The following SKIDA1 variants were observed in gnomAD, a reference collection of about 807,000 sequenced individuals.
SKIDA1 encodes SKI/DACH domain containing 1.
In SKIDA1, 18 loss-of-function variants were observed where a neutral mutation model predicts 51.4. The observed-to-expected ratio is 0.35, with a 90% CI of 0.24 to 0.52. The LOEUF is 0.52. Among genes scored for constraint, SKIDA1 ranks in the 20% least tolerant of loss-of-function variants. The pLI, the probability that SKIDA1 is intolerant of heterozygous loss-of-function variation, is 0.95. For synonymous variants in SKIDA1, 579 were observed against 500.5 expected (o/e 1.16, Z -2.09); for missense variants, 1,104 against 1,180.6 (o/e 0.94, Z 0.95).
rs778205838 is a variant in SKIDA1 at position 21,516,872 on chromosome 10, GGCGGCCGCCGCCGCC to G, written c.936_950del (p.Ala314_Ala318del). 7.7e-7 allele frequency: 1 copy of G among 1,299,508 alleles called. No individual in the cohort carries two copies. The highest frequency in any genetic ancestry group is 2.9e-5 in the South Asian group (1 of 34,602). 80.5% of individuals were successfully genotyped at this position (1,299,508 alleles called of 1,614,324 possible). On this transcript the variant is annotated inframe_deletion, in exon 4 of 4. Transcript: ENST00000449193. This position sits in a 1 kb window ranked among gnomAD's most constrained non-coding sequence, Gnocchi z 5.7. The stretch of plus-strand genomic sequence containing the variant: ...ACCTCTCCAGGCAAGTGGCCCCCGC[GGCGGCCGCCGCCGCC>G]GCTGCCGCCGCCGCCGCCGCCGCCG...
intron 1 of SKIDA1, among the ~76,000 whole-genome samples, chr10:21,524,501 T>G (rs2032571665): frequency 6.7e-6 from 1 of 149,258 alleles, no homozygotes; most frequent in African/African-American, 2.5e-5. Flanking sequence ...GCCCCTTTCC[T>G]TTTGAAAGTT....
rs2032324345 is a variant in SKIDA1, at chr10:21,519,067, CCGTA to C, written c.-1249_-1246del. 1 of 166,984 alleles carries C rather than the reference CCGTA, an allele frequency of 6.0e-6. No individual in the cohort carries two copies. The highest frequency in any genetic ancestry group is 2.1e-4 in the South Asian group (1 of 4,818). The allele number at this position is 166,984 out of a possible 1,614,324, so 10.3% of individuals were successfully genotyped here. A position where few individuals can be genotyped will look rare whatever the true frequency, so the allele number is the denominator to read the frequency against. On this transcript the variant is annotated 5_prime_UTR_variant, in exon 4 of 4. Transcript: ENST00000449193. The stretch of plus-strand genomic sequence containing the variant: ...AATGTGTACACTTTTCCACAATTAA[CCGTA>C]CTGGATTGGAGGCGGGATCGTCCAA...
intron 1 of SKIDA1, among the ~76,000 whole-genome samples, chr10:21,525,099 A>G (rs1023214957): frequency 3.9e-5 from 6 of 152,228 alleles, no homozygotes; most frequent in Non-Finnish European, 8.8e-5. Context: ...TGCACACCAG[A>G]TTTCGAACTC....
In SKIDA1 at chr10:21,517,117, C is replaced by A; in HGVS notation, c.706G>T (p.Ala236Ser). Residue 236 changes from alanine (A) to serine (S), a missense_variant, in exon 4 of 4, where the codon GCC becomes TCC. Physicochemically the swap from Ala to Ser is moderately conservative, Grantham distance 99 (BLOSUM62 1). Around this residue, in one of 3 missense-constraint regions of SKIDA1, gnomAD observed 938 missense variants for 886.4 expected, o/e 1.06. Transcript: ENST00000449193. The surrounding 1 kb of genome is among the most constrained non-coding windows in gnomAD (Gnocchi z 6.9). Reference sequence around the variant, plus strand: ...GCGGCGGCGGCGGCGGCGGCGGCGGCGGCAGCAGCGGCGGCGGCGGCGGCG... The same window carrying A: ...GCGGCGGCGGCGGCGGCGGCGGCGGAGGCAGCAGCGGCGGCGGCGGCGGCG... ...AAAAAAAAAA[A>S]AAAAAAAAYY... 1 of 1,031,292 alleles carries A rather than the reference C, an allele frequency of 9.7e-7. No homozygotes were observed. Among genetic ancestry groups the A allele is most frequent in the Non-Finnish European group, 1.2e-6 (1 of 857,122 alleles). 63.9% of individuals were successfully genotyped at this position (1,031,292 alleles called of 1,614,324 possible). A position where few individuals can be genotyped will look rare whatever the true frequency, so the allele number is the denominator to read the frequency against.
At chr10:21,524,072 T>A (rs1024413764) in intron 1 of SKIDA1, among the ~76,000 whole-genome samples, 2 of 152,280 alleles carry the variant, frequency 1.3e-5, no homozygotes, top group African/African-American at 4.8e-5. Flanking sequence ...CGCTTTTTTG[T>A]TATGGAATCA....
intron 3 of SKIDA1, among the ~76,000 whole-genome samples, 155 bp from the exon 4 acceptor site, chr10:21,519,813 A>G (rs74120970): frequency 5.3e-5 from 8 of 152,350 alleles, no homozygotes; most frequent in African/African-American, 1.7e-4. Context: ...AGTTTGCCTG[A>G]CAAGATGAAA....
rs781371791 is a variant in SKIDA1 at position 21,517,494 on chromosome 10, C to T, written c.329G>A (p.Arg110Gln). The change falls in exon 4 of 4, where the codon CGG becomes CAG. Residue 110 changes from arginine to glutamine, a missense_variant. Transcript: ENST00000449193. This position sits in a 1 kb window ranked among gnomAD's most constrained non-coding sequence, Gnocchi z 6.9. ...VLKTKRRRVG[R>Q]ALATKAPPPE... is the part of the protein sequence containing the mutation. ...CGGCGGCGCCTTTGTGGCCAGGGCC[C>T]GGCCGACCCGCCTGCGCTTGGTCTT... is the stretch of plus-strand genomic sequence containing the variant. 1.9e-6 allele frequency: 3 copies of T among 1,551,720 alleles called. No individual in the cohort carries two copies. Among genetic ancestry groups the T allele is most frequent in the Non-Finnish European group, 1.7e-6 (2 of 1,148,192 alleles).
intron 2 of SKIDA1, among the ~76,000 whole-genome samples, chr10:21,522,106 T>C (rs1360986952): frequency 2.0e-5 from 3 of 152,238 alleles, no homozygotes; most frequent in Non-Finnish European, 4.4e-5. Flanking sequence ...AGTTTACTAA[T>C]GGGGAAAGTT....
rs771610580 is a variant in SKIDA1, at chr10:21,518,611, T to G, written c.-789A>C. The G allele has an allele frequency of 6.0e-6, 1 of 166,868 alleles. No homozygotes were observed. The highest frequency in any genetic ancestry group is 1.5e-5 in the Non-Finnish European group (1 of 68,092). The allele number at this position is 166,868 out of a possible 1,614,324, so 10.3% of individuals were successfully genotyped here. A position where few individuals can be genotyped will look rare whatever the true frequency, so the allele number is the denominator to read the frequency against. On this transcript the variant is annotated 5_prime_UTR_variant, in exon 4 of 4. Coordinates refer to ENST00000449193, the MANE Select transcript of SKIDA1 (RefSeq NM_207371.4). ...GCCTATTTTTTTCGTTTATTTGCAT[T>G]TTACCGATACAGCTATTATCATTTC...
In SKIDA1 at chr10:21,513,589, G is replaced by A. The variant is rs2032097753; in HGVS notation, c.*1507C>T. The A allele has an allele frequency of 6.6e-6, 1 of 152,564 alleles. No homozygotes were observed. Among genetic ancestry groups the A allele is most frequent in the African/African-American group, 2.4e-5 (1 of 41,424 alleles). The allele number at this position is 152,564 out of a possible 1,614,324, so 9.5% of individuals were successfully genotyped here. On this transcript the variant is annotated 3_prime_UTR_variant, in exon 4 of 4. Transcript: ENST00000449193. ...TCATCACAACACAGTACACCAGCAT[G>A]GCCCTTACCCAGGGCTAGACCCTAG...
chr10:21,515,428 G>C lies in SKIDA1; in HGVS notation c.2395C>G (p.Pro799Ala), dbSNP rs1367941621. 1.9e-6 allele frequency: 3 copies of C among 1,613,968 alleles called. No individual in the cohort carries two copies. Among genetic ancestry groups the C allele is most frequent in the Non-Finnish European group, 2.5e-6 (3 of 1,179,894 alleles). ...GGGCTTCTAGCTGATTTCAAATTTG[G>C]TTTGACTGGAGGTGTCTGAAGGACA... ...RPVLQTPPVK[P>A]NLKSARSPRP... The change falls in exon 4 of 4, where the codon CCA becomes GCA. Residue 799 changes from proline to alanine, a missense_variant. Physicochemically the swap from Pro to Ala is conservative, Grantham distance 27 (BLOSUM62 -1). Coordinates refer to ENST00000449193, the MANE Select transcript of SKIDA1 (RefSeq NM_207371.4).
At chr10:21,524,981 AAAT>A in intron 1 of SKIDA1, among the ~76,000 whole-genome samples, 1 of 152,326 alleles carries the variant, frequency 6.6e-6, no homozygotes, top group Non-Finnish European at 1.5e-5. Context: ...GATATAGACT[AAAT>A]AATAATAAAA....
chr10:21,516,139 T>C lies in SKIDA1; in HGVS notation c.1684A>G (p.Asn562Asp). ...GTCAGGTCAGTTCTCTTTACAGCATTGGAAATTTCAGAGTGTGGGAATGTA... is the reference window on the plus strand; with the variant it reads ...GTCAGGTCAGTTCTCTTTACAGCATCGGAAATTTCAGAGTGTGGGAATGTA... ...EITFPHSEISNAVKRTDLTIN... is the reference protein window; with the variant it reads ...EITFPHSEISDAVKRTDLTIN... The change falls in exon 4 of 4, where the codon AAT (asparagine) becomes GAT (aspartate). Residue 562 changes from asparagine to aspartate, a missense_variant. Physicochemically the swap from Asn to Asp is conservative, Grantham distance 23 (BLOSUM62 1). Transcript: ENST00000449193. This position sits in a 1 kb window ranked among gnomAD's most constrained non-coding sequence, Gnocchi z 5.7. The C allele has an allele frequency of 5.6e-6, 9 of 1,614,032 alleles. No individual in the cohort carries two copies. The highest frequency in any genetic ancestry group is 7.6e-6 in the Non-Finnish European group (9 of 1,179,876).
chr10:21,524,781 T>A (rs1272753636), intron 1 of SKIDA1: 2 of 152,198 alleles, frequency 1.3e-5, no homozygotes, highest in Non-Finnish European at 2.9e-5. Flanking sequence ...AGAAGGTAAG[T>A]GTTTGTCCTT....
chr10:21,517,846 C>T lies in SKIDA1; in HGVS notation c.-24G>A. On this transcript the variant is annotated 5_prime_UTR_variant, in exon 4 of 4. The change abolishes an upstream ATG in the 5' untranslated region. Transcript: ENST00000449193. This position sits in a 1 kb window ranked among gnomAD's most constrained non-coding sequence, Gnocchi z 6.9. The stretch of plus-strand genomic sequence containing the variant: ...ATCTCGGGCACTAAATGATCCCCAC[C>T]ATTTGCAGTAAATATATACGTGACG... 1 of 1,578,266 alleles carries T rather than the reference C, an allele frequency of 6.3e-7. No individual in the cohort carries two copies. Among genetic ancestry groups the T allele is most frequent in the African/African-American group, 1.3e-5 (1 of 74,346 alleles).
At position 21,519,062 on chromosome 10, in the gene SKIDA1, A is replaced by G. The variant is rs1249788276; in HGVS notation, c.-1240T>C. On this transcript the variant is annotated 5_prime_UTR_variant, in exon 4 of 4. Transcript: ENST00000449193. Reference sequence around the variant, plus strand: ...CCAGAAATGTGTACACTTTTCCACAATTAACCGTACTGGATTGGAGGCGGG... The same window carrying G: ...CCAGAAATGTGTACACTTTTCCACAGTTAACCGTACTGGATTGGAGGCGGG... 2 of 166,948 alleles carry G rather than the reference A, an allele frequency of 1.2e-5. No individual in the cohort carries two copies. The highest frequency in any genetic ancestry group is 2.9e-5 in the Non-Finnish European group (2 of 68,106). The allele number at this position is 166,948 out of a possible 1,614,324, so 10.3% of individuals were successfully genotyped here. A position where few individuals can be genotyped will look rare whatever the true frequency, so the allele number is the denominator to read the frequency against.
rs199786304 is a variant in SKIDA1 at position 21,516,247 on chromosome 10, C to T, written c.1576G>A (p.Ala526Thr). Residue 526 changes from alanine (A) to threonine (T), a missense_variant, in exon 4 of 4, where the codon GCC (alanine) becomes ACC (threonine). Physicochemically the swap from Ala to Thr is moderately conservative, Grantham distance 58 (BLOSUM62 0). Around this residue, in one of 3 missense-constraint regions of SKIDA1, gnomAD observed 938 missense variants for 886.4 expected, o/e 1.06. Coordinates refer to ENST00000449193, the MANE Select transcript of SKIDA1 (RefSeq NM_207371.4). This position sits in a 1 kb window ranked among gnomAD's most constrained non-coding sequence, Gnocchi z 5.7. ...SPAEWNLQSW[A>T]PKASPVYCPA... ...CAGTACACCGGAGATGCTTTGGGGGCCCAGCTCTGCAGATTCCACTCCGCC... is the reference window on the plus strand; with the variant it reads ...CAGTACACCGGAGATGCTTTGGGGGTCCAGCTCTGCAGATTCCACTCCGCC... 2 of 1,613,910 alleles carry T rather than the reference C, an allele frequency of 1.2e-6. No homozygotes were observed. The highest frequency in any genetic ancestry group is 2.2e-5 in the East Asian group (1 of 44,898).
intron 2 of SKIDA1, among the ~76,000 whole-genome samples, chr10:21,522,988 G>C (rs1263146412): frequency 6.6e-6 from 1 of 152,174 alleles, no homozygotes; most frequent in Non-Finnish European, 1.5e-5. Flanking sequence ...AATCCTAGTG[G>C]ATGAGATTTT....
intron 1 of SKIDA1, chr10:21,524,556 C>G (rs1229416699): frequency 1.8e-5 from 2 of 114,134 alleles, no homozygotes; most frequent in Non-Finnish European, 3.2e-5. Context: ...TTAGGATGGA[C>G]TTAGAGGGTC....
Sources: allele counts gnomAD v4.1 joint callset (sites outside exome capture counted in the v4.1 genomes callset), GRCh38; gene constraint gnomAD v4.1.1; regional missense constraint gnomAD v4.1.1; non-coding constraint Gnocchi (gnomAD v3.1); transcripts MANE v1.5; gene names NCBI Gene and HGNC (gene_info 2026-07-23, HGNC 2026-07-21).